DGKB: variants seen among roughly 807,000 people sequenced by gnomAD.
The protein encoded by DGKB is 90 kDa diacylglycerol kinase.
DGKB carries 67 observed loss-of-function variants against 114.3 expected under a neutral mutation model. The observed-to-expected ratio is 0.59, with a 90% CI of 0.48 to 0.72. The LOEUF is 0.72. Among genes scored for constraint, DGKB ranks in the 30% least tolerant of loss-of-function variants. DGKB has a pLI of 0.00. For synonymous variants in DGKB, 398 were observed against 323.1 expected (o/e 1.23, Z -2.49); for missense variants, 907 against 975.2 (o/e 0.93, Z 0.93).
At chr7:14,525,624 T>G (rs1192563921) in intron 20 of DGKB, among the ~76,000 whole-genome samples, 3 of 152,108 alleles carry the variant, frequency 2.0e-5, no homozygotes, top group Admixed American at 2.0e-4. Flanking sequence ...ATAACACTGT[T>G]GACAGTAGTC....
chr7:14,304,842 A>T (rs1249283312), intron 23 of DGKB, among the ~76,000 whole-genome samples: 30 of 152,124 alleles, frequency 2.0e-4, no homozygotes, highest in Admixed American at 2.0e-3. Context: ...CTTGATATTG[A>T]CTATTTTTGA....
Position 14,841,333 on chromosome 7 carries a change from T to C in DGKB, c.-70A>G. The C allele has an allele frequency of 3.0e-6, 4 of 1,328,604 alleles. No individual in the cohort carries two copies. The highest frequency in any genetic ancestry group is 3.2e-6 in the Non-Finnish European group (3 of 946,404). 82.3% of individuals were successfully genotyped at this position (1,328,604 alleles called of 1,614,324 possible). On this transcript the variant is annotated 5_prime_UTR_variant, in exon 2 of 26. Transcript: ENST00000402815. ...TATTCAGGTGTTGCGCAGAGGTCTA[T>C]GCTTCAAAGATTCCACATGGCATGT...
chr7:14,910,894 G>A (rs1365629274), intron 1 of DGKB, among the ~76,000 whole-genome samples: 1 of 151,982 alleles, frequency 6.6e-6, no homozygotes, highest in African/African-American at 2.4e-5. Flanking sequence ...TTTTATATTA[G>A]CTTTAAATGA....
chr7:14,563,368 T>G (rs1796948468), intron 20 of DGKB, among the ~76,000 whole-genome samples: 1 of 152,172 alleles, frequency 6.6e-6, no homozygotes, highest in African/African-American at 2.4e-5. Flanking sequence ...AATATATATT[T>G]GGTTTTCCCT....
At chr7:14,158,781 C>T (rs1345355319) in intron 25 of DGKB, among the ~76,000 whole-genome samples, 1 of 152,072 alleles carries the variant, frequency 6.6e-6, no homozygotes, top group African/African-American at 2.4e-5. Context: ...TTCAGGTCCT[C>T]CTGTTTCAAG....
chr7:14,467,957 T>TAA (rs1427844254), intron 21 of DGKB, among the ~76,000 whole-genome samples: 1 of 152,108 alleles, frequency 6.6e-6, no homozygotes, highest in Non-Finnish European at 1.5e-5. Context: ...AAAGAAGTGT[T>TAA]ACAACGAGGG....
intron 1 of DGKB, among the ~76,000 whole-genome samples, chr7:14,930,051 TG>T (rs1385343326): frequency 2.0e-5 from 3 of 152,204 alleles, no homozygotes; most frequent in African/African-American, 7.2e-5. Flanking sequence ...GCTTTATTTC[TG>T]GGTTCTCTAT....
intron 1 of DGKB, among the ~76,000 whole-genome samples, chr7:14,883,237 A>T (rs1854512427): frequency 6.6e-6 from 1 of 151,932 alleles, no homozygotes; most frequent in Non-Finnish European, 1.5e-5. Context: ...ATATATACAT[A>T]TATGTATACA....
chr7:14,185,367 T>C (rs563883544), intron 23 of DGKB, among the ~76,000 whole-genome samples: 1 of 152,144 alleles, frequency 6.6e-6, no homozygotes, highest in African/African-American at 2.4e-5. Context: ...AAATCATAGA[T>C]GACATGAACA....
Position 14,682,836 on chromosome 7 carries a change from T to C in DGKB, c.835A>G (p.Lys279Glu). ...ACACAGCGCTCATGGACTGTGTACT[T>C]GCAGACTGAAAGGAAACAGGTACAC... ...GKQGLCCSFC[K>E]YTVHERCVAR... Residue 279 changes from lysine (K) to glutamate (E), a missense_variant, in exon 11 of 26, where the codon AAG becomes GAG. Around this residue, in one of 3 missense-constraint regions of DGKB, gnomAD observed 814 missense variants for 856.6 expected, o/e 0.95. Transcript: ENST00000402815. 1.3e-6 allele frequency: 2 copies of C among 1,585,832 alleles called. No individual in the cohort carries two copies. Among genetic ancestry groups the C allele is most frequent in the Non-Finnish European group, 1.7e-6 (2 of 1,164,996 alleles).
At chr7:14,289,989 C>T (rs1801503474) in intron 23 of DGKB, among the ~76,000 whole-genome samples, 1 of 152,092 alleles carries the variant, frequency 6.6e-6, no homozygotes, top group Non-Finnish European at 1.5e-5. Flanking sequence ...AAGATGTAGG[C>T]AAAATCAAAT....
intron 23 of DGKB, among the ~76,000 whole-genome samples, chr7:14,231,168 G>T (rs1030144591): frequency 1.6e-5 from 2 of 123,800 alleles, no homozygotes; most frequent in Non-Finnish European, 1.7e-5. Flanking sequence ...TCTTGGTAAG[G>T]TCTCACTGTG....
Position 14,607,463 on chromosome 7 carries a change from G to A in DGKB, c.1404C>T (p.Tyr468=). 4 of 1,587,944 alleles carry A rather than the reference G, an allele frequency of 2.5e-6. No homozygotes were observed. The highest frequency in any genetic ancestry group is 4.5e-5 in the East Asian group (2 of 44,476). ...FQYLLNPRQV[Y]SLSGNGPMPG... Reference sequence around the variant, plus strand: ...GCATTGGTCCATTTCCAGAAAGACTGTAAACCTGACGAGGATTTAATAGAT... The same window carrying A: ...GCATTGGTCCATTTCCAGAAAGACTATAAACCTGACGAGGATTTAATAGAT... Residue 468 remains tyrosine, a synonymous_variant, in exon 17 of 26, where the codon TAC becomes TAT. Coordinates refer to ENST00000402815, the MANE Select transcript of DGKB (RefSeq NM_001350709.2).
chr7:14,564,248 T>C (rs1294921755), intron 20 of DGKB, among the ~76,000 whole-genome samples: 3 of 152,250 alleles, frequency 2.0e-5, no homozygotes, highest in African/African-American at 7.2e-5. Flanking sequence ...AGACAGAAAC[T>C]AGTCTTCCAG....
At position 14,510,248 on chromosome 7, in the gene DGKB, A is replaced by T. The variant is rs189406914; in HGVS notation, c.1771-32023T>A. ...TCTGCAGCATTTGATGCTGTGTGATAGCATTTTATCCACAGGAGATCTTTC... is the reference window on the plus strand; with the variant it reads ...TCTGCAGCATTTGATGCTGTGTGATTGCATTTTATCCACAGGAGATCTTTC... On this transcript the variant is annotated intron_variant, in intron 20 of 25. Transcript: ENST00000402815. 2.2e-3 allele frequency among the ~76,000 whole-genome samples: 328 copies of T among 152,328 alleles called. 1 individual carries two copies. The highest frequency in any genetic ancestry group is 3.9e-3 in the Non-Finnish European group (267 of 68,030).
At chr7:14,733,536 A>C (rs1305698026) in intron 5 of DGKB, among the ~76,000 whole-genome samples, 2 of 151,912 alleles carry the variant, frequency 1.3e-5, no homozygotes, top group Non-Finnish European at 2.9e-5. Flanking sequence ...AAAATACAAA[A>C]ATTGGCTGGG....
At chr7:14,884,302 G>A (rs540650939) in intron 1 of DGKB, among the ~76,000 whole-genome samples, 83 of 151,698 alleles carry the variant, frequency 5.5e-4, no homozygotes, top group South Asian at 1.9e-3. Flanking sequence ...TTATTGAAAC[G>A]GAACCATTTA....
chr7:14,165,931 G>A (rs1784553950), intron 25 of DGKB, among the ~76,000 whole-genome samples: 1 of 152,150 alleles, frequency 6.6e-6, no homozygotes, highest in Admixed American at 6.5e-5. Flanking sequence ...AGCCTCAGAA[G>A]CATGGTATTT....
chr7:14,972,674 A>G lies in DGKB; in HGVS notation c.-188+2022T>C, dbSNP rs79884314. ...TGATGTCCTCTCAAAGATTGTTGAA[A>G]AAAAAAAAAAAGACAAAATCTGCTG... On this transcript the variant is annotated intron_variant, in intron 1 of 4. Transcript: ENST00000437998. Among the ~76,000 whole-genome samples the G allele has an allele frequency of 1.9e-3, 60 of 31,354 alleles. No homozygotes were observed. The African/African-American group carries it at 0.024, about 13-fold the overall frequency. The allele number at this position is 31,354 out of a possible 152,430, so 20.6% of individuals were successfully genotyped here. A position where few individuals can be genotyped will look rare whatever the true frequency, so the allele number is the denominator to read the frequency against.
Sources: gnomAD v4.1 joint callset for allele counts (sites outside exome capture counted in the v4.1 genomes callset) on GRCh38, gnomAD v4.1.1 for gene constraint, gnomAD v4.1.1 regional missense constraint, MANE v1.5 for transcripts, NCBI Gene and HGNC (gene_info 2026-07-23, HGNC 2026-07-21) for gene names.